Variants in CHIC1 observed in about 807,000 individuals in gnomAD.
The protein encoded by CHIC1 is cysteine-rich hydrophobic domain-containing protein 1.
Under a neutral mutation model 18.5 loss-of-function variants are expected in CHIC1, and 7 were observed. The observed-to-expected ratio is 0.38, with a 90% confidence interval of 0.22 to 0.71. The LOEUF (loss-of-function observed/expected upper bound fraction) is 0.71, where lower values mean the gene tolerates loss of function less well. CHIC1 is among the 30% of genes least tolerant of loss of function. The pLI, the probability that CHIC1 is intolerant of heterozygous loss-of-function variation, is 0.49. For synonymous variants in CHIC1, 77 were observed against 73.5 expected, an observed-to-expected ratio of 1.05 and a Z score of -0.25; for missense variants, 159 against 176.9, an observed-to-expected ratio of 0.90 and a Z score of 0.57.
At chrX:73,674,429 C>T (rs1412388116) in intron 3 of CHIC1, among the ~76,000 whole-genome samples, 3 of 111,836 alleles carry the variant, frequency 2.7e-5, no homozygotes, top group Non-Finnish European at 5.6e-5. Flanking sequence ...TTTGTCTATT[C>T]AGAGATTCAA....
chrX:73,565,507 A>G (rs956097422), intron 1 of CHIC1, among the ~76,000 whole-genome samples: 4 of 111,558 alleles, frequency 3.6e-5, no homozygotes, highest in African/African-American at 1.3e-4. Context: ...TGAAACCAAA[A>G]CCTGAAAAGA....
intron 3 of CHIC1, among the ~76,000 whole-genome samples, chrX:73,650,261 C>T (rs186703961): frequency 7.2e-5 from 8 of 111,330 alleles, no homozygotes; most frequent in African/African-American, 2.6e-4. Flanking sequence ...ACCCTAACAT[C>T]ACAATTAAAA....
chrX:73,675,907 G>C (rs886322647), intron 3 of CHIC1, among the ~76,000 whole-genome samples: 2 of 110,161 alleles, frequency 1.8e-5, no homozygotes, highest in Non-Finnish European at 3.8e-5. Context: ...TCCATCAGGA[G>C]CTCTTTTAGG....
intron 3 of CHIC1, among the ~76,000 whole-genome samples, chrX:73,644,392 C>G (rs1441445317): frequency 8.9e-6 from 1 of 112,036 alleles, no homozygotes; most frequent in Non-Finnish European, 1.9e-5. Flanking sequence ...GCTGGGAGAA[C>G]CACTACTCTC....
In CHIC1 at chrX:73,686,365, G is replaced by A; in HGVS notation, c.*5360G>A. 9.0e-6 allele frequency: 1 copy of A among 110,661 alleles called. No individual in the cohort carries two copies. The allele number at this position is 110,661 out of a possible 1,213,427, so 9.1% of individuals were successfully genotyped here. On this transcript the variant is annotated 3_prime_UTR_variant, in exon 6 of 6. Coordinates refer to ENST00000373502, the MANE Select transcript of CHIC1 (RefSeq NM_001039840.4). ...TTTTTTTCTGTTTTAGAATATCACT[G>A]GCCTAATTTATTTAGGTGTGTACAT...
rs149440027 is a variant in CHIC1, at chrX:73,652,115, A to T, written c.508-27211A>T. On this transcript the variant is annotated intron_variant, in intron 3 of 5. Transcript: ENST00000373502. ...AACCATCCATTCTTCGATGAACCTG[A>T]CAAAAACAAGCAACAGGGAAAGGAT... 8.0e-5 allele frequency among the ~76,000 whole-genome samples: 9 copies of T among 111,986 alleles called. No individual in the cohort carries two copies. In the East Asian group the frequency reaches 2.5e-3, roughly 31 times the overall value.
intron 1 of CHIC1, among the ~76,000 whole-genome samples, chrX:73,573,185 A>G (rs2057479356): frequency 1.8e-5 from 2 of 111,189 alleles, no homozygotes; most frequent in African/African-American, 6.5e-5. Flanking sequence ...TCCCAGCTCC[A>G]TTTATTGAAT....
chrX:73,594,446 A>G (rs2147559591), intron 3 of CHIC1, among the ~76,000 whole-genome samples: 1 of 111,703 alleles, frequency 9.0e-6, no homozygotes, highest in African/African-American at 3.3e-5. Flanking sequence ...TCAGAGGGTC[A>G]TGGTTCTGTA....
At chrX:73,672,965 G>T (rs2058039915) in intron 3 of CHIC1, among the ~76,000 whole-genome samples, 1 of 111,851 alleles carries the variant, frequency 8.9e-6, no homozygotes, top group Non-Finnish European at 1.9e-5. Context: ...AAGGCATCCA[G>T]TTTCAGCTTT....
chrX:73,617,763 C>T (rs2057739644), intron 3 of CHIC1, among the ~76,000 whole-genome samples: 1 of 111,776 alleles, frequency 8.9e-6, no homozygotes, highest in Non-Finnish European at 1.9e-5. Flanking sequence ...TCACCACATA[C>T]CTCCCACAAC....
At chrX:73,678,259 T>A (rs1169275595) in intron 3 of CHIC1, among the ~76,000 whole-genome samples, 11 of 110,896 alleles carry the variant, frequency 9.9e-5, no homozygotes, top group Non-Finnish European at 2.1e-4. Context: ...GTGGTAAGGC[T>A]TTGTTTGGGA....
At chrX:73,643,821 C>T (rs2057872324) in intron 3 of CHIC1, among the ~76,000 whole-genome samples, 1 of 111,679 alleles carries the variant, frequency 9.0e-6, no homozygotes, top group African/African-American at 3.3e-5. Context: ...GAATTTCCTC[C>T]TATAGCTCAG....
rs1028432122 is a variant in CHIC1 at position 73,684,127 on chromosome X, C to T, written c.*3122C>T. The T allele has an allele frequency of 9.0e-6, 1 of 111,374 alleles. No homozygotes were observed. Among genetic ancestry groups the T allele is most frequent in the Non-Finnish European group, 1.9e-5 (1 of 52,723 alleles). The allele number at this position is 111,374 out of a possible 1,213,427, so 9.2% of individuals were successfully genotyped here. On this transcript the variant is annotated 3_prime_UTR_variant, in exon 6 of 6. Coordinates refer to ENST00000373502, the MANE Select transcript of CHIC1 (RefSeq NM_001039840.4). ...ATCTTTTATTTATTATGTAAAGCTTCTTTCCTTCCTTTTCCCCAATCATGA... is the reference window on the plus strand; with the variant it reads ...ATCTTTTATTTATTATGTAAAGCTTTTTTCCTTCCTTTTCCCCAATCATGA...
At chrX:73,651,108 T>G (rs1043435492) in intron 3 of CHIC1, among the ~76,000 whole-genome samples, 25 of 112,076 alleles carry the variant, frequency 2.2e-4, no homozygotes, top group East Asian at 2.0e-3. Flanking sequence ...TCTCAATAGA[T>G]GCAGAAAAGG....
chrX:73,602,865 A>G (rs759857324), intron 3 of CHIC1, among the ~76,000 whole-genome samples: 1 of 108,638 alleles, frequency 9.2e-6, no homozygotes, highest in South Asian at 3.8e-4. Context: ...GTTCTGTTCC[A>G]TTGATCTATA....
intron 3 of CHIC1, among the ~76,000 whole-genome samples, chrX:73,647,356 T>C (rs758922196): frequency 3.7e-4 from 41 of 111,993 alleles, no homozygotes; most frequent in Non-Finnish European, 7.0e-4. Flanking sequence ...CCTGGAGAGA[T>C]GGGTGACCAG....
intron 3 of CHIC1, among the ~76,000 whole-genome samples, chrX:73,675,879 C>T (rs1408118411): frequency 9.1e-6 from 1 of 110,201 alleles, no homozygotes; most frequent in African/African-American, 3.3e-5. Flanking sequence ...CCGGTTGTTC[C>T]TTTCCATGTT....
At chrX:73,674,713 GT>G (rs1265357192) in intron 3 of CHIC1, among the ~76,000 whole-genome samples, 3 of 111,182 alleles carry the variant, frequency 2.7e-5, no homozygotes, top group Non-Finnish European at 5.7e-5. Flanking sequence ...TTTTTGAAGG[GT>G]TTTTTGTGTC....
At position 73,671,714 on chromosome X, in the gene CHIC1, C is replaced by T. The variant is rs1016844191; in HGVS notation, c.508-7612C>T. ...TGTTTGTTATCTTATATCTCAGTTT[C>T]CTTTTTCTATTAGTATTTATTTATT... is the stretch of plus-strand genomic sequence containing the variant. On this transcript the variant is annotated intron_variant, in intron 3 of 5. Transcript: ENST00000373502. 9.5e-5 allele frequency among the ~76,000 whole-genome samples: 10 copies of T among 105,752 alleles called. No homozygotes were observed. The East Asian group carries it at 2.7e-3, about 29-fold the overall frequency. 91.8% of individuals were successfully genotyped at this position (105,752 alleles called of 115,157 possible).
Sources: gnomAD v4.1 joint callset for allele counts (sites outside exome capture counted in the v4.1 genomes callset) on GRCh38, gnomAD v4.1.1 for gene constraint, MANE v1.5 for transcripts, NCBI Gene and HGNC (gene_info 2026-07-23, HGNC 2026-07-21) for gene names.